MDGA2: variants seen among roughly 807,000 people sequenced by gnomAD.
The protein encoded by MDGA2 is MAM domain containing glycosylphosphatidylinositol anchor 2, also known as MAM domain-containing glycosylphosphatidylinositol anchor protein 2.
Under a neutral mutation model 117.8 loss-of-function variants are expected in MDGA2, and 40 were observed. That is an observed-to-expected ratio of 0.34 (90% CI 0.26 to 0.44). MDGA2 has a LOEUF of 0.44. Among genes scored for constraint, MDGA2 ranks in the 20% least tolerant of loss-of-function variants. MDGA2 has a pLI of 1.00. For missense variants in MDGA2, 1,123 were observed against 1,250.6 expected, an observed-to-expected ratio of 0.90 and a Z score of 1.54; for synonymous variants, 452 against 439.0, an observed-to-expected ratio of 1.03 and a Z score of -0.37.
chr14:47,099,877 A>C (rs1382902590), intron 5 of MDGA2, among the ~76,000 whole-genome samples: 1 of 152,046 alleles, frequency 6.6e-6, no homozygotes, highest in Admixed American at 6.6e-5. Context: ...AGGATGCACA[A>C]AGTGTTTTCT....
chr14:47,147,489 A>G (rs1882988633), intron 3 of MDGA2, among the ~76,000 whole-genome samples: 1 of 152,182 alleles, frequency 6.6e-6, no homozygotes, highest in Non-Finnish European at 1.5e-5. Flanking sequence ...CAAAGGGGCT[A>G]AGCCTTTATA....
At chr14:47,199,378 C>A (rs1457687369) in intron 3 of MDGA2, among the ~76,000 whole-genome samples, 11 of 152,042 alleles carry the variant, frequency 7.2e-5, no homozygotes. Context: ...ATCATTATGA[C>A]AAAGTAAGCA....
At chr14:47,009,808 G>A (rs948373478) in intron 8 of MDGA2, among the ~76,000 whole-genome samples, 1 of 151,908 alleles carries the variant, frequency 6.6e-6, no homozygotes, top group East Asian at 1.9e-4. Flanking sequence ...TTAGCATTCC[G>A]TAACTTGATC....
intron 1 of MDGA2, among the ~76,000 whole-genome samples, chr14:47,600,575 T>C (rs1896629445): frequency 6.6e-6 from 1 of 152,120 alleles, no homozygotes; most frequent in Admixed American, 6.6e-5. Context: ...GGACTCTCTG[T>C]AGTCTTGATT....
intron 1 of MDGA2, among the ~76,000 whole-genome samples, chr14:47,581,822 G>T: frequency 6.6e-6 from 1 of 151,916 alleles, no homozygotes; most frequent in East Asian, 1.9e-4. Flanking sequence ...TTTGTTGTTA[G>T]TTAGCGCTTT....
At chr14:47,193,858 C>T (rs1041179185) in intron 3 of MDGA2, among the ~76,000 whole-genome samples, 1 of 152,100 alleles carries the variant, frequency 6.6e-6, no homozygotes, top group African/African-American at 2.4e-5. Context: ...CATGCTATAA[C>T]AATAAAGGAC....
rs999069206 is a variant in MDGA2 at position 46,902,763 on chromosome 14, G to C, written c.2238+17249C>G. 2.6e-5 allele frequency among the ~76,000 whole-genome samples: 4 copies of C among 152,242 alleles called. No homozygotes were observed. The South Asian group carries it at 8.3e-4, about 32-fold the overall frequency. On this transcript the variant is annotated intron_variant, in intron 10 of 16. Coordinates refer to ENST00000399232, the MANE Select transcript of MDGA2 (RefSeq NM_001113498.3). ...GAATCTGCTGTATGTTCAAGGTAATGCTATCTAGAATTTTATGGTAGAGAA... is the reference window on the plus strand; with the variant it reads ...GAATCTGCTGTATGTTCAAGGTAATCCTATCTAGAATTTTATGGTAGAGAA...
chr14:47,053,849 C>T (rs1413132266), intron 7 of MDGA2, among the ~76,000 whole-genome samples: 1 of 151,658 alleles, frequency 6.6e-6, no homozygotes, highest in Non-Finnish European at 1.5e-5. Context: ...AGTTCAGTAG[C>T]ACTTGCAAAT....
chr14:47,475,724 A>G lies in MDGA2; in HGVS notation c.281-174174T>C, dbSNP rs145796645. Among the ~76,000 whole-genome samples, 98 of 152,332 alleles carry G rather than the reference A, an allele frequency of 6.4e-4. 1 individual carries two copies. The highest frequency in any genetic ancestry group is 3.4e-3 in the Middle Eastern group (1 of 294). On this transcript the variant is annotated intron_variant, in intron 1 of 16. Transcript: ENST00000399232. ...TTACCCTCAGCAAACTAATGCAGGA[A>G]CAGAAAATCAAACACTGCATGTTCT...
At chr14:47,461,840 G>A (rs1290792810) in intron 1 of MDGA2, among the ~76,000 whole-genome samples, 3 of 152,042 alleles carry the variant, frequency 2.0e-5, no homozygotes, top group Admixed American at 2.0e-4. Context: ...TAATTTCAAA[G>A]TGCACTTTGA....
intron 1 of MDGA2, among the ~76,000 whole-genome samples, chr14:47,565,125 C>T (rs1002583784): frequency 1.3e-5 from 2 of 152,102 alleles, no homozygotes; most frequent in African/African-American, 4.8e-5. Flanking sequence ...TCAGCCATTT[C>T]AGCCTAGTTA....
At chr14:46,989,900 G>A (rs765051967) in intron 8 of MDGA2, among the ~76,000 whole-genome samples, 1 of 151,922 alleles carries the variant, frequency 6.6e-6, no homozygotes, top group Non-Finnish European at 1.5e-5. Context: ...TGAAATTTCT[G>A]GTACTAGTAT....
intron 3 of MDGA2, among the ~76,000 whole-genome samples, chr14:47,204,811 T>C (rs1209348152): frequency 6.6e-6 from 1 of 152,030 alleles, no homozygotes; most frequent in Non-Finnish European, 1.5e-5. Context: ...GTTCTTCTAC[T>C]ACCAACATTA....
At chr14:47,548,470 A>C (rs1895508815) in intron 1 of MDGA2, among the ~76,000 whole-genome samples, 1 of 152,118 alleles carries the variant, frequency 6.6e-6, no homozygotes, top group Non-Finnish European at 1.5e-5. Flanking sequence ...GGACTAATCC[A>C]GAAAGTCTAT....
intron 5 of MDGA2, among the ~76,000 whole-genome samples, chr14:47,124,805 A>C (rs1881817779): frequency 6.6e-6 from 1 of 152,116 alleles, no homozygotes; most frequent in African/African-American, 2.4e-5. Flanking sequence ...AGGAAAGGTT[A>C]TATGAAGACA....
intron 5 of MDGA2, among the ~76,000 whole-genome samples, chr14:47,129,617 T>C (rs1882094729): frequency 1.3e-5 from 2 of 149,892 alleles, no homozygotes; most frequent in South Asian, 4.2e-4. Context: ...AGTAATGGGA[T>C]GGCTGGGTCA....
chr14:47,412,477 T>C (rs898458369), intron 1 of MDGA2, among the ~76,000 whole-genome samples: 1 of 152,106 alleles, frequency 6.6e-6, no homozygotes, highest in Non-Finnish European at 1.5e-5. Flanking sequence ...AGATGAAGTC[T>C]CACTATTTTG....
chr14:47,415,953 T>C (rs1035084943), intron 1 of MDGA2, among the ~76,000 whole-genome samples: 5 of 152,170 alleles, frequency 3.3e-5, no homozygotes, highest in Non-Finnish European at 5.9e-5. Context: ...ACTATCACCT[T>C]CATGTTTAGG....
chr14:47,224,330 T>TAGATATAGATATAGATA (rs1566688963), intron 2 of MDGA2, among the ~76,000 whole-genome samples: 13 of 151,824 alleles, frequency 8.6e-5, no homozygotes, highest in South Asian at 2.1e-4. Flanking sequence ...GATATAGATA[T>TAGATATAGATATAGATA]TTCCTGAAAC....
Sources: gnomAD v4.1 joint callset for allele counts (sites outside exome capture counted in the v4.1 genomes callset) on GRCh38, gnomAD v4.1.1 for gene constraint, MANE v1.5 for transcripts, NCBI Gene and HGNC (gene_info 2026-07-23, HGNC 2026-07-21) for gene names.